The following EFHC2 variants were observed in gnomAD, a reference collection of about 807,000 sequenced individuals.
The protein encoded by EFHC2 is EF-hand domain-containing family member C2.
In EFHC2, 18 loss-of-function variants were observed where a neutral mutation model predicts 52.7. That is an observed-to-expected ratio of 0.34 (90% CI 0.24 to 0.51). EFHC2 has a LOEUF of 0.51. Among genes scored for constraint, EFHC2 ranks in the 20% least tolerant of loss-of-function variants. The pLI is 0.97. For missense variants in EFHC2, 513 were observed against 562.5 expected, an observed-to-expected ratio of 0.91 and a Z score of 0.89; for synonymous variants, 203 against 204.1, an observed-to-expected ratio of 0.99 and a Z score of 0.04.
At chrX:44,233,736 T>C (rs2037297182) in intron 9 of EFHC2, among the ~76,000 whole-genome samples, 1 of 111,730 alleles carries the variant, frequency 9.0e-6, no homozygotes, top group African/African-American at 3.3e-5. Context: ...CCTGAAAATG[T>C]ACTTCTCAGG....
intron 2 of EFHC2, chrX:44,310,402 G>A: frequency 9.9e-7 from 1 of 1,011,725 alleles, no homozygotes; most frequent in South Asian, 2.2e-5. Flanking sequence ...CGACCAGGCT[G>A]AGCCCCTTCA....
At chrX:44,151,551 C>T (rs776285587) in intron 14 of EFHC2, among the ~76,000 whole-genome samples, 1 of 111,620 alleles carries the variant, frequency 9.0e-6, no homozygotes, top group Non-Finnish European at 1.9e-5. Flanking sequence ...CCTCCAACTT[C>T]ACATGGTGTT....
Position 44,232,650 on chromosome X carries a change from C to A in EFHC2, c.1451G>T (p.Arg484Ile). ...SGIAGGMFLKRSRVKKPGQEV... is the reference protein window; with the variant it reads ...SGIAGGMFLKISRVKKPGQEV... ...TTGTCCAGGCTTCTTAACGCGACTTCTTTTCAAGAACATCCCACCAGCAAT... is the reference window on the plus strand; with the variant it reads ...TTGTCCAGGCTTCTTAACGCGACTTATTTTCAAGAACATCCCACCAGCAAT... Residue 484 changes from arginine to isoleucine, a missense_variant, in exon 10 of 15, where the codon AGA becomes ATA. Physicochemically the swap from Arg to Ile is moderately conservative, Grantham distance 97. Coordinates refer to ENST00000420999, the MANE Select transcript of EFHC2 (RefSeq NM_025184.4). 8.3e-7 allele frequency: 1 copy of A among 1,197,825 alleles called. No individual in the cohort carries two copies. Among genetic ancestry groups the A allele is most frequent in the Non-Finnish European group, 1.1e-6 (1 of 888,096 alleles).
Position 44,148,731 on chromosome X carries a change from T to C in EFHC2, c.*64A>G. 2 of 913,647 alleles carry C rather than the reference T, an allele frequency of 2.2e-6. No individual in the cohort carries two copies. 75.3% of individuals were successfully genotyped at this position (913,647 alleles called of 1,213,427 possible). A position where few individuals can be genotyped will look rare whatever the true frequency, so the allele number is the denominator to read the frequency against. Reference sequence around the variant, plus strand: ...TTTTTGTTTTTAATGAAATTATATCTACTAAAGTAAATGTGGCAAAATGAG... The same window carrying C: ...TTTTTGTTTTTAATGAAATTATATCCACTAAAGTAAATGTGGCAAAATGAG... On this transcript the variant is annotated 3_prime_UTR_variant, in exon 15 of 15. Transcript: ENST00000420999.
intron 11 of EFHC2, among the ~76,000 whole-genome samples, chrX:44,207,655 G>A (rs916474125): frequency 2.7e-5 from 3 of 112,677 alleles, no homozygotes; most frequent in Non-Finnish European, 5.6e-5. Context: ...TGACAAACGG[G>A]ACTTAATCAA....
Position 44,164,112 on chromosome X carries a change from A to T in EFHC2, c.2043-85T>A, listed in dbSNP as rs1393565960. On this transcript the variant is annotated intron_variant, in intron 13 of 14. Coordinates refer to ENST00000420999, the MANE Select transcript of EFHC2 (RefSeq NM_025184.4). ...TCAGTTTCAATTTTATCATGAAAAC[A>T]TAATACCATATATGCTTCAATATCT... 6.0e-6 allele frequency: 3 copies of T among 501,877 alleles called. No homozygotes were observed. The African/African-American group carries it at 7.3e-5, about 12-fold the overall frequency. The allele number at this position is 501,877 out of a possible 1,213,427, so 41.4% of individuals were successfully genotyped here. A position where few individuals can be genotyped will look rare whatever the true frequency, so the allele number is the denominator to read the frequency against.
At chrX:44,329,264 T>C (rs1156539889) in intron 1 of EFHC2, among the ~76,000 whole-genome samples, 3 of 111,067 alleles carry the variant, frequency 2.7e-5, no homozygotes, top group African/African-American at 9.8e-5. Flanking sequence ...CTTTATATAT[T>C]AGGAAAAACA....
At chrX:44,178,921 C>T (rs1319955885) in intron 11 of EFHC2, among the ~76,000 whole-genome samples, 3 of 112,072 alleles carry the variant, frequency 2.7e-5, no homozygotes, top group South Asian at 3.6e-4. Context: ...ATCTTCCTTA[C>T]ACAAAATAGT....
At chrX:44,158,346 G>C (rs2036624777) in intron 14 of EFHC2, among the ~76,000 whole-genome samples, 1 of 111,256 alleles carries the variant, frequency 9.0e-6, no homozygotes, top group Non-Finnish European at 1.9e-5. Flanking sequence ...CGTTCCAGGT[G>C]GTGGCCTGTC....
At chrX:44,279,028 C>T (rs1466212665) in intron 2 of EFHC2, among the ~76,000 whole-genome samples, 3 of 112,062 alleles carry the variant, frequency 2.7e-5, no homozygotes, top group African/African-American at 9.7e-5. Flanking sequence ...AGTTTAGAAC[C>T]AGTGAGCAAT....
chrX:44,282,838 G>A (rs2037717082), intron 2 of EFHC2, among the ~76,000 whole-genome samples: 1 of 110,450 alleles, frequency 9.1e-6, no homozygotes, highest in African/African-American at 3.3e-5. Flanking sequence ...GCATGTAATG[G>A]CTGCAGCTCG....
chrX:44,248,167 G>A (rs1378502963), intron 7 of EFHC2, 105 bp downstream of exon 7: 1 of 658,628 alleles, frequency 1.5e-6, no homozygotes, highest in African/African-American at 2.3e-5. Flanking sequence ...ACAATAAGTG[G>A]TAGCTATTAT....
chrX:44,325,812 T>A (rs375756359), intron 1 of EFHC2, among the ~76,000 whole-genome samples: 1 of 104,412 alleles, frequency 9.6e-6, no homozygotes, highest in Non-Finnish European at 1.9e-5. Context: ...AGCCATGAGC[T>A]AGATAAGCCA....
intron 2 of EFHC2, among the ~76,000 whole-genome samples, chrX:44,303,809 G>A (rs999434126): frequency 1.8e-5 from 2 of 111,119 alleles, no homozygotes; most frequent in Non-Finnish European, 1.9e-5. Context: ...TCAATTGTGC[G>A]GTCAGTAGTT....
chrX:44,196,327 T>C (rs2036965866), intron 11 of EFHC2, among the ~76,000 whole-genome samples: 2 of 111,892 alleles, frequency 1.8e-5, no homozygotes, highest in Admixed American at 1.9e-4. Flanking sequence ...GCCTCTAACT[T>C]CAGAGCCTGT....
Position 44,225,250 on chromosome X carries a change from T to TAA in EFHC2, c.1751+4397_1751+4398dup, listed in dbSNP as rs200993815. Among the ~76,000 whole-genome samples, 514 of 95,314 alleles carry TAA rather than the reference T, an allele frequency of 5.4e-3. 19 individuals carry two copies. The East Asian group carries it at 0.11, about 20-fold the overall frequency. 82.8% of individuals were successfully genotyped at this position (95,314 alleles called of 115,157 possible). On this transcript the variant is annotated intron_variant, in intron 11 of 14. Coordinates refer to ENST00000420999, the MANE Select transcript of EFHC2 (RefSeq NM_025184.4). ...ATGTTCCCTACCCAAATAAAAAAATTAAAAAAAAAAAAAACAAAAACCATT... is the reference window on the plus strand; with the variant it reads ...ATGTTCCCTACCCAAATAAAAAAATTAAAAAAAAAAAAAAAACAAAAACCATT...
intron 1 of EFHC2, among the ~76,000 whole-genome samples, chrX:44,338,788 T>C (rs147399327): frequency 2.6e-3 from 284 of 109,901 alleles, no homozygotes; most frequent in African/African-American, 8.9e-3. Flanking sequence ...TGCTGCAAAT[T>C]CAAATATGTT....
chrX:44,282,410 C>T (rs113083704), intron 2 of EFHC2, among the ~76,000 whole-genome samples: 1,063 of 98,898 alleles, frequency 0.011, 17 homozygotes, highest in African/African-American at 0.038. Context: ...TGGAGACCAG[C>T]CTGGCCAACA....
intron 11 of EFHC2, among the ~76,000 whole-genome samples, chrX:44,226,659 G>A (rs190869790): frequency 7.3e-4 from 81 of 110,611 alleles, no homozygotes; most frequent in African/African-American, 2.5e-3. Context: ...ACAGGTCAAA[G>A]CCAAAGCAGT....
Sources: allele counts gnomAD v4.1 joint callset (sites outside exome capture counted in the v4.1 genomes callset), GRCh38; gene constraint gnomAD v4.1.1; transcripts MANE v1.5; gene names NCBI Gene and HGNC (gene_info 2026-07-23, HGNC 2026-07-21).